Variants in CSGALNACT1 observed in about 807,000 individuals in gnomAD.
CSGALNACT1 encodes the protein chondroitin sulfate N-acetylgalactosaminyltransferase 1, also known as beta4GalNAcT-1.
CSGALNACT1 carries 52 observed loss-of-function variants against 51.0 expected under a neutral mutation model. The ratio of observed to expected loss-of-function variants is 1.02; its 90% CI spans 0.82 to 1.29. The LOEUF is 1.29. Among genes scored for constraint, CSGALNACT1 ranks in the 50% most tolerant of loss-of-function variants. The pLI, the probability that CSGALNACT1 is intolerant of heterozygous loss-of-function variation, is 0.00. For missense variants in CSGALNACT1, 935 were observed against 679.2 expected (o/e 1.38, Z -4.19); for synonymous variants, 341 against 254.4 (o/e 1.34, Z -3.24).
intron 7 of CSGALNACT1, among the ~76,000 whole-genome samples, chr8:19,419,620 A>T (rs1198970919): frequency 6.6e-6 from 1 of 152,196 alleles, no homozygotes; most frequent in African/African-American, 2.4e-5. Context: ...TACCCTAGGT[A>T]ACTGCCCAAA....
At chr8:19,616,314 G>A (rs1445720589) in intron 1 of CSGALNACT1, among the ~76,000 whole-genome samples, 1 of 152,028 alleles carries the variant, frequency 6.6e-6, no homozygotes, top group Non-Finnish European at 1.5e-5. Context: ...CGAAAACATG[G>A]CATTAGAAGA....
At chr8:19,449,363 G>T (rs1162563810) in intron 5 of CSGALNACT1, among the ~76,000 whole-genome samples, 2 of 152,170 alleles carry the variant, frequency 1.3e-5, no homozygotes, top group African/African-American at 2.4e-5. Flanking sequence ...GAGAGGTAGA[G>T]GGGCTTAAGG....
chr8:19,724,083 C>A (rs1026733320), intron 1 of CSGALNACT1, among the ~76,000 whole-genome samples: 4 of 152,142 alleles, frequency 2.6e-5, no homozygotes, highest in Non-Finnish European at 5.9e-5. Flanking sequence ...TGCTGATTTT[C>A]CAATATCCAA....
intron 4 of CSGALNACT1, among the ~76,000 whole-genome samples, chr8:19,478,024 G>A (rs181244358): frequency 3.8e-4 from 58 of 152,246 alleles, no homozygotes; most frequent in African/African-American, 1.3e-3. Context: ...AGAACTATTA[G>A]ATGTCAGGTG....
chr8:19,505,015 G>GT (rs2077038097), intron 4 of CSGALNACT1, among the ~76,000 whole-genome samples, 186 bp downstream of exon 3: 1 of 152,178 alleles, frequency 6.6e-6, no homozygotes, highest in South Asian at 2.1e-4. Context: ...CCATGAGAAA[G>GT]TAAGTGGAAA....
intron 3 of CSGALNACT1, among the ~76,000 whole-genome samples, chr8:19,561,679 A>G (rs2040757099): frequency 6.6e-6 from 1 of 152,252 alleles, no homozygotes; most frequent in Non-Finnish European, 1.5e-5. Context: ...CAGGGGGCAT[A>G]CAGAGAATGA....
chr8:19,523,012 GA>G (rs1411267582), intron 3 of CSGALNACT1, among the ~76,000 whole-genome samples: 2 of 152,180 alleles, frequency 1.3e-5, no homozygotes, highest in African/African-American at 4.8e-5. Flanking sequence ...CCATGTGAAA[GA>G]TAAGTTGGAA....
chr8:19,449,476 C>T (rs1350868841), intron 5 of CSGALNACT1, among the ~76,000 whole-genome samples: 5 of 152,136 alleles, frequency 3.3e-5, no homozygotes, highest in African/African-American at 1.2e-4. Flanking sequence ...GACCTGAGGC[C>T]TTTCTGTCAT....
Position 19,513,432 on chromosome 8 carries a change from C to A in CSGALNACT1, c.-296-7302G>T, listed in dbSNP as rs200204301. 7.5e-3 allele frequency among the ~76,000 whole-genome samples: 536 copies of A among 71,732 alleles called. 6 individuals carry two copies. Among genetic ancestry groups the A allele is most frequent in the African/African-American group, 0.019 (413 of 21,838 alleles). 47.1% of individuals were successfully genotyped at this position (71,732 alleles called of 152,430 possible). A position where few individuals can be genotyped will look rare whatever the true frequency, so the allele number is the denominator to read the frequency against. On this transcript the variant is annotated intron_variant, in intron 3 of 9. Transcript: ENST00000454498. ...TCTCTCTCACTCTCTCTCTCTCTCT[C>A]TCTCTATATATATATATATATATAT... is the stretch of plus-strand genomic sequence containing the variant.
At chr8:19,519,208 G>A (rs1307512253) in intron 3 of CSGALNACT1, among the ~76,000 whole-genome samples, 1 of 152,140 alleles carries the variant, frequency 6.6e-6, no homozygotes, top group African/African-American at 2.4e-5. Flanking sequence ...GGTCTACCAA[G>A]TACTGCTGGA....
intron 1 of CSGALNACT1, among the ~76,000 whole-genome samples, chr8:19,748,594 T>A (rs2064835124): frequency 6.6e-6 from 1 of 152,192 alleles, no homozygotes; most frequent in South Asian, 2.1e-4. Context: ...TTTACGTACA[T>A]TAGCTCAATG....
intron 1 of CSGALNACT1, among the ~76,000 whole-genome samples, chr8:19,746,255 T>G (rs2064655792): frequency 6.6e-6 from 1 of 152,150 alleles, no homozygotes; most frequent in Non-Finnish European, 1.5e-5. Flanking sequence ...ATCCACTGTC[T>G]GTTCATCTAT....
intron 1 of CSGALNACT1, among the ~76,000 whole-genome samples, chr8:19,624,468 G>C (rs1003670952): frequency 2.6e-5 from 4 of 152,096 alleles, no homozygotes; most frequent in African/African-American, 9.7e-5. Context: ...AATTTTAAGT[G>C]TTTAAAAATA....
At chr8:19,617,565 T>G (rs1484553433) in intron 1 of CSGALNACT1, among the ~76,000 whole-genome samples, 1 of 152,176 alleles carries the variant, frequency 6.6e-6, no homozygotes, top group Admixed American at 6.5e-5. Context: ...AATTACCCAT[T>G]TTGTTCATAA....
At chr8:19,535,985 T>C (rs1563944100) in intron 3 of CSGALNACT1, among the ~76,000 whole-genome samples, 1 of 152,016 alleles carries the variant, frequency 6.6e-6, no homozygotes, top group Non-Finnish European at 1.5e-5. Flanking sequence ...CCAATGCAAG[T>C]GAAGAAAAAG....
chr8:19,614,070 A>G (rs1353857123), intron 1 of CSGALNACT1, among the ~76,000 whole-genome samples: 1 of 152,194 alleles, frequency 6.6e-6, no homozygotes. Context: ...TTAATCTACT[A>G]AAAGAATGAT....
chr8:19,693,787 C>T (rs925462990), intron 1 of CSGALNACT1, among the ~76,000 whole-genome samples: 3 of 152,188 alleles, frequency 2.0e-5, no homozygotes, highest in African/African-American at 7.2e-5. Flanking sequence ...AGCCAGTCTC[C>T]ACTGGTATCT....
chr8:19,527,632 G>A (rs1367763629), intron 3 of CSGALNACT1, among the ~76,000 whole-genome samples: 2 of 152,120 alleles, frequency 1.3e-5, no homozygotes, highest in African/African-American at 2.4e-5. Context: ...GATAAAAGAG[G>A]CTTTCTGGTA....
chr8:19,689,436 C>G (rs1027596853), intron 1 of CSGALNACT1, among the ~76,000 whole-genome samples: 5 of 152,304 alleles, frequency 3.3e-5, no homozygotes, highest in African/African-American at 1.2e-4. Flanking sequence ...CTGCATGGAA[C>G]CCAAACCTTC....
Sources: gnomAD v4.1 joint callset for allele counts (sites outside exome capture counted in the v4.1 genomes callset) on GRCh38, gnomAD v4.1.1 for gene constraint, MANE v1.5 for transcripts, NCBI Gene and HGNC (gene_info 2026-07-23, HGNC 2026-07-21) for gene names.